The following COL4A4 variants were observed in gnomAD, a reference collection of about 807,000 sequenced individuals.
The protein encoded by COL4A4 is collagen alpha-4(IV) chain.
Under a neutral mutation model 192.9 loss-of-function variants are expected in COL4A4, and 105 were observed. The observed-to-expected ratio is 0.54, with a 90% CI of 0.46 to 0.64. COL4A4 has a LOEUF of 0.64. COL4A4 is among the 30% of genes least tolerant of loss of function. The probability of loss-of-function intolerance (pLI) is 0.00; values close to 1 mark genes in which losing one functional copy is unlikely to be tolerated. For synonymous variants in COL4A4, 762 were observed against 769.9 expected (o/e 0.99, Z 0.17); for missense variants, 1,967 against 2,169.3 (o/e 0.91, Z 1.85).
Position 227,139,064 on chromosome 2 carries a change from C to T in COL4A4, c.192+1097G>A, listed in dbSNP as rs181369250. ...AGGTAATTAATCAGAGCGGAGTAGT[C>T]ATGAATTGGATGAATGCCCATATAA... On this transcript the variant is annotated intron_variant, in intron 4 of 47. Coordinates refer to ENST00000396625, the MANE Select transcript of COL4A4 (RefSeq NM_000092.5). Among the ~76,000 whole-genome samples, 5 of 152,224 alleles carry T rather than the reference C, an allele frequency of 3.3e-5. No individual in the cohort carries two copies. The East Asian group carries it at 9.7e-4, about 29-fold the overall frequency.
At chr2:227,145,251 C>T (rs1195697947) in intron 2 of COL4A4, among the ~76,000 whole-genome samples, 1 of 152,068 alleles carries the variant, frequency 6.6e-6, no homozygotes, top group Non-Finnish European at 1.5e-5. Context: ...AGTTTAAGAC[C>T]AGCCTGGCCA....
intron 4 of COL4A4, among the ~76,000 whole-genome samples, chr2:227,121,953 A>G (rs1384945291): frequency 1.3e-5 from 2 of 152,240 alleles, no homozygotes; most frequent in East Asian, 1.9e-4. Context: ...ATTTACTTCA[A>G]ATAACTAATG....
chr2:226,989,954 A>G, the COL4A4 span, among the ~76,000 whole-genome samples: 1 of 152,212 alleles, frequency 6.6e-6, no homozygotes, highest in African/African-American at 2.4e-5. Flanking sequence ...CCACTGTTGC[A>G]GTCTTGATTG....
At chr2:227,090,752 A>C (rs1238494949) in intron 20 of COL4A4, among the ~76,000 whole-genome samples, 3 of 151,830 alleles carry the variant, frequency 2.0e-5, no homozygotes. Context: ...ACTCCATCTC[A>C]AAATAAATAA....
At chr2:227,138,272 C>G (rs185353258) in intron 4 of COL4A4, among the ~76,000 whole-genome samples, 3 of 152,154 alleles carry the variant, frequency 2.0e-5, no homozygotes, top group Admixed American at 2.0e-4. Flanking sequence ...GAGCCAAGAT[C>G]ATGCCATTGC....
chr2:227,099,562 TG>T, intron 18 of COL4A4, 57 bp downstream of exon 18: 1 of 1,503,550 alleles, frequency 6.7e-7, no homozygotes, highest in Non-Finnish European at 9.3e-7. Context: ...TCTTCTGTCC[TG>T]GCCACTCAAC....
intron 25 of COL4A4, among the ~76,000 whole-genome samples, 189 bp from the exon 26 acceptor site, chr2:227,062,787 A>C (rs894069624): frequency 6.6e-6 from 1 of 152,198 alleles, no homozygotes; most frequent in African/African-American, 2.4e-5. Context: ...TTTTTCCTGA[A>C]ATCTGAATTT....
intron 30 of COL4A4, among the ~76,000 whole-genome samples, chr2:227,055,590 G>A (rs1472048563): frequency 6.6e-6 from 1 of 152,098 alleles, no homozygotes; most frequent in African/African-American, 2.4e-5. Context: ...CCTGAAGTGT[G>A]GGCCCTGATG....
intron 3 of COL4A4, among the ~76,000 whole-genome samples, chr2:227,141,218 GT>G (rs1383635569): frequency 6.6e-6 from 1 of 152,156 alleles, no homozygotes; most frequent in Non-Finnish European, 1.5e-5. Context: ...CAGAGAAAAG[GT>G]TTGCCTGGCT....
intron 2 of COL4A4, among the ~76,000 whole-genome samples, chr2:227,147,033 C>T (rs1239828908): frequency 1.3e-5 from 2 of 152,136 alleles, no homozygotes; most frequent in African/African-American, 2.4e-5. Flanking sequence ...GAGATTAAGA[C>T]GTGGACATCT....
rs1353512742 is a variant in COL4A4 at position 227,060,226 on chromosome 2, C to G, written c.2074G>C (p.Gly692Arg). 2 of 1,612,090 alleles carry G rather than the reference C, an allele frequency of 1.2e-6. No homozygotes were observed. The highest frequency in any genetic ancestry group is 1.7e-6 in the Non-Finnish European group (2 of 1,179,264). ...DGPPGPKGFP[G>R]PQGAPGLSGS... ...CTCAGCCCAGGGGCACCTTGGGGAC[C>G]TGGAAATCCCTTCGGACCTAAACAA... Residue 692 changes from glycine (G) to arginine (R), a missense_variant, in exon 27 of 48, where the codon GGT becomes CGT. By Grantham distance (125) the Gly-to-Arg change is moderately radical. Transcript: ENST00000396625.
chr2:227,030,691 G>C (rs1282263175), intron 40 of COL4A4, 93 bp from the exon 41 acceptor site: 1 of 941,854 alleles, frequency 1.1e-6, no homozygotes, highest in African/African-American at 1.7e-5. Flanking sequence ...ACAATTCAAT[G>C]ACTTGCAAGC....
intron 26 of COL4A4, among the ~76,000 whole-genome samples, chr2:227,060,764 G>A (rs911417103): frequency 2.3e-5 from 3 of 131,326 alleles, no homozygotes; most frequent in African/African-American, 8.6e-5. Context: ...GTCTTGCTTT[G>A]TCACCAAGGC....
At position 227,065,020 on chromosome 2, in the gene COL4A4, G is replaced by C. The variant is rs1340541336; in HGVS notation, c.1988-2422C>G. Among the ~76,000 whole-genome samples, 6 of 152,206 alleles carry C rather than the reference G, an allele frequency of 3.9e-5. 1 individual carries two copies. The highest frequency in any genetic ancestry group is 3.9e-4 in the Admixed American group (6 of 15,288). On this transcript the variant is annotated intron_variant, in intron 25 of 47. Transcript: ENST00000396625. Reference sequence around the variant, plus strand: ...AGTGCCAGACAGTGGGTGCAGGTCAGTGGGTGCGCGCACCGTGCACGAGCC... The same window carrying C: ...AGTGCCAGACAGTGGGTGCAGGTCACTGGGTGCGCGCACCGTGCACGAGCC...
At chr2:227,019,857 G>A (rs1435373346) in intron 44 of COL4A4, among the ~76,000 whole-genome samples, 1 of 152,148 alleles carries the variant, frequency 6.6e-6, no homozygotes, top group African/African-American at 2.4e-5. Context: ...AGTAGAGACG[G>A]GGTTTTACCA....
chr2:227,149,701 T>C (rs898439799), intron 1 of COL4A4, among the ~76,000 whole-genome samples: 1 of 152,246 alleles, frequency 6.6e-6, no homozygotes, highest in Non-Finnish European at 1.5e-5. Context: ...TCCCAAAATA[T>C]ATGATACAAA....
chr2:227,048,126 G>A (rs1973291167), intron 34 of COL4A4, among the ~76,000 whole-genome samples: 1 of 152,128 alleles, frequency 6.6e-6, no homozygotes, highest in African/African-American at 2.4e-5. Flanking sequence ...CCTACATTAT[G>A]GTTGGGAGCC....
chr2:227,116,204 T>G (rs1205454697), intron 7 of COL4A4, among the ~76,000 whole-genome samples: 1 of 152,198 alleles, frequency 6.6e-6, no homozygotes, highest in Non-Finnish European at 1.5e-5. Context: ...AAATCAGGGG[T>G]CTGGCATCTC....
chr2:227,094,249 A>AAG lies in COL4A4; in HGVS notation c.1243_1244dup (p.Pro416PhefsTer43). 1 of 1,613,942 alleles carries AAG rather than the reference A, an allele frequency of 6.2e-7. No homozygotes were observed. Among genetic ancestry groups the AAG allele is most frequent in the Non-Finnish European group, 8.5e-7 (1 of 1,179,966 alleles). On this transcript the variant is annotated frameshift_variant, in exon 20 of 48. Transcript: ENST00000396625. LOFTEE classifies it high-confidence loss of function. ...TACCAGCTTCTCCTGGAAGCCCAGG[A>AAG]AGACCAGGAAATCCTTGTGGCCCAG...
Sources: allele counts gnomAD v4.1 joint callset (sites outside exome capture counted in the v4.1 genomes callset), GRCh38; gene constraint gnomAD v4.1.1; transcripts MANE v1.5; gene names NCBI Gene and HGNC (gene_info 2026-07-23, HGNC 2026-07-21).